The following KIF1B variants were observed in gnomAD, a reference collection of about 807,000 sequenced individuals.
KIF1B encodes the protein kinesin family member 1B.
In KIF1B, 76 loss-of-function variants were observed where a neutral mutation model predicts 241.9. The observed-to-expected ratio is 0.31, with a 90% confidence interval of 0.26 to 0.38. KIF1B has a LOEUF of 0.38. Ranked by LOEUF, KIF1B falls within the 10% of genes least tolerant of loss-of-function variation. The probability of loss-of-function intolerance (pLI) is 1.00; values close to 1 mark genes in which losing one functional copy is unlikely to be tolerated. For synonymous variants in KIF1B, 750 were observed against 796.7 expected, an observed-to-expected ratio of 0.94 and a Z score of 0.99; for missense variants, 1,622 against 2,271.4, an observed-to-expected ratio of 0.71 and a Z score of 5.81.
chr1:10,354,336 T>C (rs1652901977), intron 38 of KIF1B, among the ~76,000 whole-genome samples: 2 of 152,222 alleles, frequency 1.3e-5, no homozygotes, highest in African/African-American at 4.8e-5. Context: ...GAGTTCTGAT[T>C]GTCTTTCTTG....
intron 27 of KIF1B, among the ~76,000 whole-genome samples, chr1:10,327,289 C>G (rs1651760275): frequency 6.6e-6 from 1 of 152,080 alleles, no homozygotes; most frequent in Non-Finnish European, 1.5e-5. Flanking sequence ...CACCTGAGGT[C>G]AGGAGTTTGA....
chr1:10,331,345 CTTG>C (rs1471517574), intron 27 of KIF1B, among the ~76,000 whole-genome samples: 1 of 152,180 alleles, frequency 6.6e-6, no homozygotes, highest in African/African-American at 2.4e-5. Flanking sequence ...GTTTGAGGGT[CTTG>C]TTTAGAACTT....
chr1:10,320,208 C>A, intron 23 of KIF1B, 72 bp downstream of exon 23: 2 of 1,030,532 alleles, frequency 1.9e-6, no homozygotes, highest in Non-Finnish European at 3.0e-6. Context: ...GTCATTTATG[C>A]ATAATCAAAG....
intron 15 of KIF1B, among the ~76,000 whole-genome samples, chr1:10,286,427 C>T (rs1368060820): frequency 6.6e-6 from 1 of 152,172 alleles, no homozygotes; most frequent in African/African-American, 2.4e-5. Flanking sequence ...CTGTGAGTGC[C>T]GTTGCTTAGG....
chr1:10,252,753 T>C (rs1647535187), intron 2 of KIF1B, among the ~76,000 whole-genome samples: 1 of 151,948 alleles, frequency 6.6e-6, no homozygotes, highest in African/African-American at 2.4e-5. Flanking sequence ...AGTTTTGCTC[T>C]TTTGTACCCA....
chr1:10,239,235 A>G (rs1647100182), intron 2 of KIF1B, among the ~76,000 whole-genome samples: 2 of 152,224 alleles, frequency 1.3e-5, no homozygotes, highest in African/African-American at 2.4e-5. Flanking sequence ...GACACAAGCA[A>G]AATTATTTCC....
intron 15 of KIF1B, 91 bp downstream of exon 15, chr1:10,282,624 A>C: frequency 9.4e-7 from 1 of 1,067,326 alleles, no homozygotes; most frequent in Non-Finnish European, 1.5e-6. Context: ...TCGACTCAGC[A>C]TATGGAGAAC....
rs1459568063 is a variant in KIF1B, at chr1:10,292,113, A to G, written c.1581A>G (p.Ser527=). 3.1e-6 allele frequency: 5 copies of G among 1,613,552 alleles called. No homozygotes were observed. In the Admixed American group the frequency reaches 8.3e-5, roughly 27 times the overall value. The change falls in exon 17 of 49, where the codon TCA becomes TCG. Residue 527 remains serine, a synonymous_variant. Coordinates refer to ENST00000676179, the MANE Select transcript of KIF1B (RefSeq NM_001365951.3). ...ATGGAGGAACCCTAGGGGTTTTCTC[A>G]CCTAAAAAGGTAGGAAACAATGCTG... ...REDGGTLGVF[S]PKKTPHLVNL...
rs189534390 is a variant in KIF1B, at chr1:10,262,150, T to G, written c.429+180T>G. Among the ~76,000 whole-genome samples the G allele has an allele frequency of 3.4e-3, 512 of 152,230 alleles. 1 individual carries two copies. Among genetic ancestry groups the G allele is most frequent in the Non-Finnish European group, 5.7e-3 (386 of 68,008 alleles). On this transcript the variant is annotated intron_variant, in intron 5 of 48. Coordinates refer to ENST00000676179, the MANE Select transcript of KIF1B (RefSeq NM_001365951.3). ...TAGTGTCCTGCTTTAATCTTTTTTT[T>G]GGGGGGTGCGCGGTGGGGACAGGGT...
chr1:10,336,340 G>C (rs1207143568), intron 28 of KIF1B, among the ~76,000 whole-genome samples: 2 of 152,074 alleles, frequency 1.3e-5, no homozygotes, highest in African/African-American at 2.4e-5. Flanking sequence ...GTAGAGACGG[G>C]GTTTCACCAT....
At chr1:10,336,842 G>T in intron 29 of KIF1B, 100 bp downstream of exon 29, 1 of 1,204,054 alleles carries the variant, frequency 8.3e-7, no homozygotes, top group Non-Finnish European at 1.2e-6. Context: ...ACAGGGTGCT[G>T]GTTGCCACAG....
Position 10,295,763 on chromosome 1 carries a change from G to A in KIF1B, c.1774G>A (p.Glu592Lys), listed in dbSNP as rs1244845760. The change falls in exon 19 of 49, where the codon GAA becomes AAA. Residue 592 changes from glutamate to lysine, a missense_variant. This residue lies in a region of KIF1B where 44 missense variants were observed against 28.6 expected (regional missense o/e 1.54). Transcript: ENST00000676179. ...CCGGAGTGAGAGAAGCAACAGCGGG[G>A]AAGGTGAGCATTCCTGGCTGGAGCT... ...IFRSERSNSG[E>K]VIVTLEPCER... 1.2e-6 allele frequency: 2 copies of A among 1,612,440 alleles called. No homozygotes were observed. Among genetic ancestry groups the A allele is most frequent in the Non-Finnish European group, 1.7e-6 (2 of 1,178,696 alleles).
At chr1:10,372,984 T>C (rs1426829634) in intron 45 of KIF1B, among the ~76,000 whole-genome samples, 4 of 151,528 alleles carry the variant, frequency 2.6e-5, no homozygotes, top group Non-Finnish European at 5.9e-5. Flanking sequence ...CAGCTATTTT[T>C]TTTTTTATTT....
At position 10,375,518 on chromosome 1, in the gene KIF1B, A is replaced by G. The variant is rs941300983; in HGVS notation, c.5408+145A>G. 13 of 728,824 alleles carry G rather than the reference A, an allele frequency of 1.8e-5. No homozygotes were observed. The Admixed American group carries it at 2.4e-4, about 13-fold the overall frequency. The allele number at this position is 728,824 out of a possible 1,614,324, so 45.1% of individuals were successfully genotyped here. The stretch of plus-strand genomic sequence containing the variant: ...CCTGACTCAGCCTCCCCAGTAGCTG[A>G]GACTACAGGCACGTGCCACCATTGC... On this transcript the variant is annotated intron_variant, in intron 48 of 48. Transcript: ENST00000676179.
At chr1:10,304,134 TGAGGTTATAGA>T in intron 22 of KIF1B, 2 of 1,613,710 alleles carry the variant, frequency 1.2e-6, no homozygotes, top group Non-Finnish European at 1.7e-6. Context: ...TAACAGAAGA[TGAGGTTATAGA>T]GCTTAGGATT....
chr1:10,319,340 G>A (rs983283940), intron 22 of KIF1B, among the ~76,000 whole-genome samples: 2 of 152,106 alleles, frequency 1.3e-5, no homozygotes, highest in Admixed American at 6.5e-5. Flanking sequence ...GACCTCAGGT[G>A]ATCACCCACC....
At chr1:10,281,283 T>G (rs925887886) in intron 14 of KIF1B, among the ~76,000 whole-genome samples, 8 of 152,134 alleles carry the variant, frequency 5.3e-5, no homozygotes, top group Admixed American at 3.3e-4. Flanking sequence ...TAAAGTTGGA[T>G]TGCACCAATA....
At chr1:10,346,689 A>G (rs1318781140) in intron 35 of KIF1B, among the ~76,000 whole-genome samples, 2 of 152,214 alleles carry the variant, frequency 1.3e-5, no homozygotes, top group Non-Finnish European at 2.9e-5. Flanking sequence ...GGGTTTTATC[A>G]TAATGGGTTT....
chr1:10,333,744 A>G (rs1652050606), intron 27 of KIF1B, among the ~76,000 whole-genome samples: 1 of 152,142 alleles, frequency 6.6e-6, no homozygotes, highest in South Asian at 2.1e-4. Flanking sequence ...TATGGAATTT[A>G]TTTTAGAGTT....
Sources: gnomAD v4.1 joint callset for allele counts (sites outside exome capture counted in the v4.1 genomes callset) on GRCh38, gnomAD v4.1.1 for gene constraint, gnomAD v4.1.1 regional missense constraint, MANE v1.5 for transcripts, NCBI Gene and HGNC (gene_info 2026-07-23, HGNC 2026-07-21) for gene names.